The following RBMS3 variants were observed in gnomAD, a reference collection of about 807,000 sequenced individuals.
The protein encoded by RBMS3 is RNA binding motif single stranded interacting protein 3.
A neutral mutation model predicts 66.8 loss-of-function variants in RBMS3; 27 were observed. That is an observed-to-expected ratio of 0.40 (90% CI 0.30 to 0.56). The LOEUF (loss-of-function observed/expected upper bound fraction) is 0.56. RBMS3 is among the 20% of genes least tolerant of loss of function. The probability of loss-of-function intolerance (pLI) is 0.40; values close to 1 mark genes in which losing one functional copy is unlikely to be tolerated. For synonymous variants in RBMS3, 188 were observed against 183.0 expected (o/e 1.03, Z -0.22); for missense variants, 513 against 549.5 (o/e 0.93, Z 0.66).
At chr3:29,880,729 C>G (rs2059716861) in intron 7 of RBMS3, 1 of 1,498,038 alleles carries the variant, frequency 6.7e-7, no homozygotes, top group Non-Finnish European at 9.0e-7. Context: ...CCACAATGTT[C>G]CAAATGCATA....
intron 3 of RBMS3, among the ~76,000 whole-genome samples, chr3:29,504,878 T>C (rs985601838): frequency 6.6e-6 from 1 of 152,150 alleles, no homozygotes; most frequent in Non-Finnish European, 1.5e-5. Flanking sequence ...TGTCGGCTCT[T>C]TGTATGTCTT....
At chr3:29,742,545 A>G (rs1341270631) in intron 5 of RBMS3, among the ~76,000 whole-genome samples, 1 of 152,196 alleles carries the variant, frequency 6.6e-6, no homozygotes, top group African/African-American at 2.4e-5. Context: ...TGGCTTAAAC[A>G]TCTTTTCTTC....
intron 11 of RBMS3, among the ~76,000 whole-genome samples, 168 bp from the exon 12 acceptor site, chr3:29,944,039 C>A (rs1695133190): frequency 6.6e-6 from 1 of 151,684 alleles, no homozygotes; most frequent in Non-Finnish European, 1.5e-5. Flanking sequence ...TAATAGGGAC[C>A]ATGGTATCAA....
chr3:29,835,307 C>A (rs146449387), intron 6 of RBMS3, among the ~76,000 whole-genome samples: 1 of 151,910 alleles, frequency 6.6e-6, no homozygotes, highest in Non-Finnish European at 1.5e-5. Context: ...ATACAAAAGA[C>A]TCCATCCAAA....
At chr3:29,910,336 G>C (rs1174579180) in intron 10 of RBMS3, among the ~76,000 whole-genome samples, 1 of 151,994 alleles carries the variant, frequency 6.6e-6, no homozygotes, top group Admixed American at 6.6e-5. Flanking sequence ...AGTACAGATA[G>C]ACCATGGAAC....
intron 12 of RBMS3, among the ~76,000 whole-genome samples, chr3:29,982,760 G>C (rs1188170408): frequency 6.6e-6 from 1 of 152,192 alleles, no homozygotes. Context: ...TAATTTGATT[G>C]CACTGTGGTC....
intron 1 of RBMS3, among the ~76,000 whole-genome samples, chr3:29,423,371 C>T (rs947962342): frequency 4.6e-5 from 7 of 152,010 alleles, no homozygotes; most frequent in African/African-American, 1.7e-4. Flanking sequence ...TTTTTACTTC[C>T]TACAAATCTT....
intron 6 of RBMS3, among the ~76,000 whole-genome samples, chr3:29,823,203 C>T (rs2058116913): frequency 6.6e-6 from 1 of 152,110 alleles, no homozygotes. Flanking sequence ...ACCCCCCACC[C>T]AATGACCTCT....
At chr3:29,800,533 T>G (rs1559684902) in intron 6 of RBMS3, among the ~76,000 whole-genome samples, 1 of 152,144 alleles carries the variant, frequency 6.6e-6, no homozygotes, top group Non-Finnish European at 1.5e-5. Context: ...CTATTGCTAC[T>G]TATTAGAAAA....
chr3:29,785,085 A>G (rs1366065345), intron 6 of RBMS3, among the ~76,000 whole-genome samples: 1 of 152,146 alleles, frequency 6.6e-6, no homozygotes, highest in Admixed American at 6.6e-5. Context: ...GAATTTTATC[A>G]GACATTCAAG....
intron 12 of RBMS3, among the ~76,000 whole-genome samples, chr3:29,955,482 C>A (rs1482687319): frequency 6.6e-6 from 1 of 151,920 alleles, no homozygotes; most frequent in Non-Finnish European, 1.5e-5. Flanking sequence ...GGATCTTATG[C>A]AGTATATCCA....
At position 29,936,116 on chromosome 3, in the gene RBMS3, C is replaced by A; in HGVS notation, c.970C>A (p.Pro324Thr). 6.2e-7 allele frequency: 1 copy of A among 1,613,284 alleles called. No homozygotes were observed. Among genetic ancestry groups the A allele is most frequent in the Non-Finnish European group, 8.5e-7 (1 of 1,179,506 alleles). Reference protein sequence around the residue: ...GAVITPTMDHPMSMQPANMMG... With the variant: ...GAVITPTMDHTMSMQPANMMG... The stretch of plus-strand genomic sequence containing the variant: ...TGTGATTACACCAACCATGGACCAT[C>A]CCATGTCAATGCAGCCAGCCAACAT... The change falls in exon 11 of 15, where the codon CCC becomes ACC. Residue 324 changes from proline to threonine, a missense_variant. Transcript: ENST00000383767.
At chr3:29,958,360 C>G (rs1696184920) in intron 12 of RBMS3, among the ~76,000 whole-genome samples, 1 of 152,046 alleles carries the variant, frequency 6.6e-6, no homozygotes, top group Non-Finnish European at 1.5e-5. Flanking sequence ...ATTCCTTACT[C>G]TCAAAGAAAT....
rs190368855 is a variant in RBMS3 at position 29,680,454 on chromosome 3, G to C, written c.400-59266G>C. Among the ~76,000 whole-genome samples the C allele has an allele frequency of 1.7e-4, 26 of 152,226 alleles. No individual in the cohort carries two copies. In the East Asian group the frequency reaches 2.3e-3, roughly 14 times the overall value. On this transcript the variant is annotated intron_variant, in intron 4 of 14. Coordinates refer to ENST00000383767, the MANE Select transcript of RBMS3 (RefSeq NM_001003793.3). ...TTTCCTAACGCTTCTTTATGAAAAA[G>C]AAAATCAAGACTTTCCAGTAACAAG...
At position 29,935,993 on chromosome 3, in the gene RBMS3, A is replaced by G. The variant is rs939678498; in HGVS notation, c.940-93A>G. ...TTTAGTAAAAAAGTAAAAACATTTG[A>G]TGTTCACACATTTACAATTTACAGT... On this transcript the variant is annotated intron_variant, in intron 10 of 14. Coordinates refer to ENST00000383767, the MANE Select transcript of RBMS3 (RefSeq NM_001003793.3). 1.8e-5 allele frequency: 18 copies of G among 1,014,898 alleles called. No homozygotes were observed. In the East Asian group the frequency reaches 3.7e-4, roughly 21 times the overall value. 62.9% of individuals were successfully genotyped at this position (1,014,898 alleles called of 1,614,324 possible).
chr3:29,704,425 AT>A (rs1297888806), intron 4 of RBMS3, among the ~76,000 whole-genome samples: 1 of 152,138 alleles, frequency 6.6e-6, no homozygotes. Flanking sequence ...GCCCTTACAC[AT>A]TTCCATTTAA....
At chr3:29,370,069 T>G (rs1028905898) in intron 1 of RBMS3, among the ~76,000 whole-genome samples, 1 of 152,206 alleles carries the variant, frequency 6.6e-6, no homozygotes, top group Non-Finnish European at 1.5e-5. Flanking sequence ...TCAGGGATGA[T>G]GGACAGCCCG....
intron 6 of RBMS3, among the ~76,000 whole-genome samples, chr3:29,829,110 T>A (rs1446412796): frequency 2.0e-5 from 3 of 151,956 alleles, no homozygotes; most frequent in East Asian, 3.9e-4. Flanking sequence ...AATGGCACGA[T>A]CTTGGCTCAC....
intron 1 of RBMS3, among the ~76,000 whole-genome samples, chr3:29,309,593 AG>A (rs1222529582): frequency 6.6e-6 from 1 of 150,950 alleles, no homozygotes; most frequent in Non-Finnish European, 1.5e-5. Flanking sequence ...ATAGAATCCT[AG>A]GGAATATGCA....
Sources: allele counts gnomAD v4.1 joint callset (sites outside exome capture counted in the v4.1 genomes callset), GRCh38; gene constraint gnomAD v4.1.1; transcripts MANE v1.5; gene names NCBI Gene and HGNC (gene_info 2026-07-23, HGNC 2026-07-21).